MAGI2: variants seen among roughly 807,000 people sequenced by gnomAD.
MAGI2 encodes the protein membrane associated guanylate kinase, WW and PDZ domain containing 2.
MAGI2 carries 35 observed loss-of-function variants against 133.3 expected under a neutral mutation model. The ratio of observed to expected loss-of-function variants is 0.26; its 90% confidence interval spans 0.20 to 0.35. The LOEUF (loss-of-function observed/expected upper bound fraction) is 0.35. MAGI2 is among the 10% of genes least tolerant of loss of function. The probability of loss-of-function intolerance (pLI) is 1.00; values close to 1 mark genes in which losing one functional copy is unlikely to be tolerated. For missense variants in MAGI2, 1,636 were observed against 1,863.4 expected (o/e 0.88, Z 2.25); for synonymous variants, 729 against 710.6 (o/e 1.03, Z -0.41).
chr7:78,709,326 T>C (rs1010690811), intron 2 of MAGI2, among the ~76,000 whole-genome samples: 1 of 151,370 alleles, frequency 6.6e-6, no homozygotes, highest in African/African-American at 2.4e-5. Context: ...TTCAACTAGA[T>C]AAACTGTTAT....
At chr7:78,432,657 A>G (rs1409912599) in intron 6 of MAGI2, among the ~76,000 whole-genome samples, 2 of 152,112 alleles carry the variant, frequency 1.3e-5, no homozygotes, top group African/African-American at 4.8e-5. Flanking sequence ...AATGATAAAC[A>G]GAGTTAATGT....
intron 1 of MAGI2, among the ~76,000 whole-genome samples, chr7:79,134,221 G>C (rs970329916): frequency 6.6e-6 from 1 of 152,096 alleles, no homozygotes; most frequent in African/African-American, 2.4e-5. Flanking sequence ...TACAGAAAGT[G>C]AACTGAAGAT....
At chr7:78,850,585 A>G (rs1392168295) in intron 2 of MAGI2, among the ~76,000 whole-genome samples, 1 of 152,030 alleles carries the variant, frequency 6.6e-6, no homozygotes, top group African/African-American at 2.4e-5. Context: ...GGTGGCCTAG[A>G]TGTTCTTATC....
At chr7:79,206,391 T>C (rs1481041412) in intron 1 of MAGI2, among the ~76,000 whole-genome samples, 2 of 151,472 alleles carry the variant, frequency 1.3e-5, no homozygotes, top group African/African-American at 4.9e-5. Flanking sequence ...AAAGAGACAT[T>C]ACAGCTAATA....
chr7:78,547,181 A>G (rs1361882099), intron 3 of MAGI2, among the ~76,000 whole-genome samples: 2 of 152,202 alleles, frequency 1.3e-5, no homozygotes, highest in African/African-American at 4.8e-5. Context: ...CCAGATAAAG[A>G]CCCCAAACAC....
At chr7:79,436,613 T>C (rs1215356089) in intron 1 of MAGI2, among the ~76,000 whole-genome samples, 1 of 152,116 alleles carries the variant, frequency 6.6e-6, no homozygotes, top group Non-Finnish European at 1.5e-5. Flanking sequence ...GCATGACTAA[T>C]CTTCAGAGAA....
intron 6 of MAGI2, among the ~76,000 whole-genome samples, chr7:78,389,022 A>G (rs757413275): frequency 1.8e-4 from 28 of 152,226 alleles, no homozygotes; most frequent in Non-Finnish European, 4.0e-4. Context: ...TTACTCAGAG[A>G]TAATACTTGA....
intron 10 of MAGI2, among the ~76,000 whole-genome samples, chr7:78,215,124 A>C (rs1226890428): frequency 1.3e-5 from 2 of 152,142 alleles, no homozygotes; most frequent in African/African-American, 2.4e-5. Context: ...GACTTGGGTG[A>C]CTCTACGAAG....
chr7:78,272,516 G>A (rs1044610120), intron 9 of MAGI2, among the ~76,000 whole-genome samples: 1 of 151,974 alleles, frequency 6.6e-6, no homozygotes. Flanking sequence ...TGTCTTGTTG[G>A]TCTGTCTAAT....
intron 2 of MAGI2, among the ~76,000 whole-genome samples, chr7:78,845,054 G>A (rs573938404): frequency 1.3e-5 from 2 of 151,984 alleles, no homozygotes; most frequent in East Asian, 3.9e-4. Flanking sequence ...ATTATTCAAA[G>A]TGCCTATCTA....
At position 78,256,248 on chromosome 7, in the gene MAGI2, G is replaced by T; in HGVS notation, c.1742C>A (p.Thr581Lys). The stretch of plus-strand genomic sequence containing the variant: ...GTCATCATGGACGGGCGGTGGATAC[G>T]TGCCGTCTAGCTGACCATCAGTTGG... ...SMPTDGQLDG[T>K]YPPPVHDDNV... The change falls in exon 10 of 22, where the codon ACG (threonine) becomes AAG (lysine). Residue 581 changes from threonine (T) to lysine (K), a missense_variant. Thr to Lys is a moderately conservative substitution (Grantham distance 78). Transcript: ENST00000354212. 1 of 1,614,056 alleles carries T rather than the reference G, an allele frequency of 6.2e-7. No homozygotes were observed. Among genetic ancestry groups the T allele is most frequent in the Non-Finnish European group, 8.5e-7 (1 of 1,179,984 alleles).
intron 1 of MAGI2, among the ~76,000 whole-genome samples, chr7:79,148,314 T>C (rs552151301): frequency 2.0e-5 from 3 of 152,270 alleles, no homozygotes; most frequent in Admixed American, 6.5e-5. Context: ...TGCCAATTCC[T>C]GTCATTGAAT....
intron 2 of MAGI2, among the ~76,000 whole-genome samples, chr7:78,976,773 C>G (rs1333329313): frequency 1.3e-5 from 2 of 150,284 alleles, no homozygotes; most frequent in Non-Finnish European, 3.0e-5. Flanking sequence ...GATTAATGGT[C>G]AACATGCAAA....
chr7:78,488,017 G>A (rs1793224688), intron 6 of MAGI2, among the ~76,000 whole-genome samples: 2 of 152,064 alleles, frequency 1.3e-5, no homozygotes, highest in African/African-American at 2.4e-5. Context: ...TAAAATAGGT[G>A]TCCAGAATAA....
chr7:78,365,580 A>G (rs1793294000), intron 7 of MAGI2, among the ~76,000 whole-genome samples: 1 of 152,196 alleles, frequency 6.6e-6, no homozygotes, highest in African/African-American at 2.4e-5. Flanking sequence ...AGAGAATTAT[A>G]AATGTGATAG....
At position 79,125,647 on chromosome 7, in the gene MAGI2, G is replaced by A. The variant is rs897093428; in HGVS notation, c.302-118441C>T. The A allele has an allele frequency of 3.4e-5, 18 of 527,380 alleles. No homozygotes were observed. In the Admixed American group the frequency reaches 3.5e-4, roughly 10 times the overall value. The allele number at this position is 527,380 out of a possible 1,614,324, so 32.7% of individuals were successfully genotyped here. On this transcript the variant is annotated intron_variant, in intron 1 of 21. Transcript: ENST00000354212. ...AGGTAGTGGAACTATGATAATTTTG[G>A]AAATTACAACAATCAATCTTTAAAT... is the stretch of plus-strand genomic sequence containing the variant.
At chr7:78,105,082 A>G (rs532497743) in intron 20 of MAGI2, among the ~76,000 whole-genome samples, 1 of 152,128 alleles carries the variant, frequency 6.6e-6, no homozygotes, top group East Asian at 1.9e-4. Context: ...TCAATAATAT[A>G]TTGCTTAGCT....
At chr7:79,306,428 T>C (rs993100447) in intron 1 of MAGI2, among the ~76,000 whole-genome samples, 2 of 151,418 alleles carry the variant, frequency 1.3e-5, no homozygotes, top group Non-Finnish European at 2.9e-5. Flanking sequence ...TTCCAAAATA[T>C]TGGGATTACC....
intron 1 of MAGI2, among the ~76,000 whole-genome samples, chr7:79,408,537 G>A (rs1845956531): frequency 6.6e-6 from 1 of 151,690 alleles, no homozygotes; most frequent in African/African-American, 2.4e-5. Flanking sequence ...CATAAGTGAG[G>A]GATTAAATAA....
Sources: gnomAD v4.1 joint callset for allele counts (sites outside exome capture counted in the v4.1 genomes callset) on GRCh38, gnomAD v4.1.1 for gene constraint, MANE v1.5 for transcripts, NCBI Gene and HGNC (gene_info 2026-07-23, HGNC 2026-07-21) for gene names.